PDE4DIP: variants seen among roughly 807,000 people sequenced by gnomAD.
PDE4DIP encodes myomegalin.
PDE4DIP carries 59 observed loss-of-function variants against 221.4 expected under a neutral mutation model. The observed-to-expected ratio is 0.27, with a 90% CI of 0.22 to 0.33. PDE4DIP has a LOEUF of 0.33. PDE4DIP is among the 10% of genes least tolerant of loss of function. The probability of loss-of-function intolerance (pLI) is 1.00; values close to 1 mark genes in which losing one functional copy is unlikely to be tolerated. For synonymous variants in PDE4DIP, 404 were observed against 815.9 expected (o/e 0.50, Z 8.60); for missense variants, 1,036 against 2,154.2 (o/e 0.48, Z 10.28).
chr1:149,010,413 T>A, intron 30 of PDE4DIP, 30 bp from the exon 34 acceptor site: 2 of 1,608,950 alleles, frequency 1.2e-6, no homozygotes, highest in Non-Finnish European at 1.7e-6. Flanking sequence ...TAGAACATCA[T>A]ACGTTTTCTT....
At chr1:149,032,812 C>A (rs587608565) in exon 44 of PDE4DIP, 4,278 of 205,918 alleles carry the variant, frequency 0.021, 79 homozygotes, top group Non-Finnish European at 0.029. Context: ...AGGCCCCAAG[C>A]CTAGTAAAGC....
At position 149,018,165 on chromosome 1, in the gene PDE4DIP, C is replaced by A. The variant is rs587635677; in HGVS notation, c.5650+286C>A. ...GTTGTGTGATTGATAAGTGGTGGAACCAGGTCTGTAAGGGTCCTCCCACCT... is the reference window on the plus strand; with the variant it reads ...GTTGTGTGATTGATAAGTGGTGGAAACAGGTCTGTAAGGGTCCTCCCACCT... On this transcript the variant is annotated intron_variant, in intron 34 of 43. Transcript: ENST00000369354. Among the ~76,000 whole-genome samples the A allele has an allele frequency of 3.9e-5, 6 of 151,936 alleles. No homozygotes were observed. In the East Asian group the frequency reaches 1.2e-3, roughly 30 times the overall value.
chr1:148,985,863 T>C (rs1481452147), intron 21 of PDE4DIP: 6 of 152,198 alleles, frequency 3.9e-5, no homozygotes, highest in Admixed American at 3.9e-4. Flanking sequence ...TTTAAGTACA[T>C]AAACCATATT....
chr1:148,912,127 G>A (rs771058819), intron 1 of PDE4DIP, among the ~76,000 whole-genome samples: 7 of 145,878 alleles, frequency 4.8e-5, no homozygotes, highest in Non-Finnish European at 1.1e-4. Flanking sequence ...GGGATGGAAA[G>A]GGAAGCAAAT....
rs2047369940 is a variant in PDE4DIP at position 148,929,492 on chromosome 1, AC to A, written c.218+221del. The A allele has an allele frequency of 5.6e-6, 3 of 540,110 alleles. No homozygotes were observed. The Admixed American group carries it at 1.1e-4, about 19-fold the overall frequency. 33.5% of individuals were successfully genotyped at this position (540,110 alleles called of 1,614,324 possible). A position where few individuals can be genotyped will look rare whatever the true frequency, so the allele number is the denominator to read the frequency against. ...TGTCATAAGTTGGTAAATCCACCAG[AC>A]CTAAGACTGCAAACTTCCTATCAGT... is the stretch of plus-strand genomic sequence containing the variant. On this transcript the variant is annotated intron_variant, in intron 2 of 43. Coordinates refer to ENST00000369354, the Ensembl canonical transcript of PDE4DIP.
intron 14 of PDE4DIP, among the ~76,000 whole-genome samples, chr1:148,971,087 G>A (rs2059122590): frequency 6.6e-6 from 1 of 152,096 alleles, no homozygotes; most frequent in Non-Finnish European, 1.5e-5. Flanking sequence ...AGTTAAAAAT[G>A]TTCTAGATCT....
intron 1 of PDE4DIP, among the ~76,000 whole-genome samples, chr1:148,893,159 C>A (rs1699401014): frequency 7.1e-6 from 1 of 140,424 alleles, no homozygotes; most frequent in Non-Finnish European, 1.5e-5. Context: ...ACTATGTTGC[C>A]CAGGCTGGTC....
At chr1:148,989,434 A>G in intron 21 of PDE4DIP, 4 of 572,022 alleles carry the variant, frequency 7.0e-6, no homozygotes, top group Non-Finnish European at 9.1e-6. Context: ...AAGATGGAGC[A>G]TTATCCAAGA....
intron 3 of PDE4DIP, among the ~76,000 whole-genome samples, chr1:148,877,122 G>A (rs1187674596): frequency 6.8e-6 from 1 of 148,096 alleles, no homozygotes; most frequent in Non-Finnish European, 1.5e-5. Context: ...TTCAAGTGTG[G>A]AATATATATA....
chr1:149,010,458 C>A lies in PDE4DIP; in HGVS notation c.4943C>A (p.Ser1648Ter), dbSNP rs782631077. 1 of 1,613,018 alleles carries A rather than the reference C, an allele frequency of 6.2e-7. No individual in the cohort carries two copies. Among genetic ancestry groups the A allele is most frequent in the East Asian group, 2.2e-5 (1 of 44,874 alleles). The stretch of plus-strand genomic sequence containing the variant: ...GATTTTATAGATTCCATCCATCATT[C>A]GAGTCATTCTGCTGTGTTGTCTTCT... The change falls in exon 31 of 44, where the codon TCG (serine) becomes TAG (stop). Residue 1648 changes from serine (S) to a stop codon, truncating the protein, a stop_gained. Transcript: ENST00000369354. LOFTEE classifies it high-confidence loss of function.
chr1:149,032,847 G>A (rs1055482), exon 44 of PDE4DIP: 326 of 207,698 alleles, frequency 1.6e-3, no homozygotes, highest in Non-Finnish European at 2.4e-3. Context: ...CACAGTGCTG[G>A]TAGAATGTGT....
intron 2 of PDE4DIP, chr1:148,930,146 A>T (rs2047557164): frequency 6.6e-6 from 1 of 151,742 alleles, no homozygotes; most frequent in African/African-American, 2.4e-5. Flanking sequence ...TTAAATGACA[A>T]GTATTACTAA....
chr1:148,953,188 A>C (rs1574157570), intron 5 of PDE4DIP: 3 of 1,614,072 alleles, frequency 1.9e-6, no homozygotes, highest in East Asian at 2.2e-5. Flanking sequence ...TCGCCTATTC[A>C]GGGTTTGAGT....
chr1:148,959,064 C>G (rs1574306732), intron 5 of PDE4DIP, among the ~76,000 whole-genome samples: 1 of 152,112 alleles, frequency 6.6e-6, no homozygotes, highest in East Asian at 1.9e-4. Context: ...ATTTAACCAC[C>G]CACTCTGTAT....
intron 1 of PDE4DIP, among the ~76,000 whole-genome samples, chr1:148,859,731 A>T (rs1553398777): frequency 7.2e-6 from 1 of 139,768 alleles, no homozygotes; most frequent in South Asian, 2.3e-4. Flanking sequence ...TAGGACAAGG[A>T]TATAAAATTT....
chr1:148,912,142 A>G (rs1553454910), intron 1 of PDE4DIP, among the ~76,000 whole-genome samples: 1 of 145,608 alleles, frequency 6.9e-6, no homozygotes, highest in Admixed American at 6.8e-5. Context: ...GCAAATAAAC[A>G]TGACAGTTAC....
intron 21 of PDE4DIP, among the ~76,000 whole-genome samples, chr1:148,991,267 G>T (rs587653477): frequency 1.6e-4 from 25 of 152,294 alleles, no homozygotes; most frequent in African/African-American, 5.5e-4. Context: ...CAGGCAAAGG[G>T]TGTCTGCATA....
At chr1:148,981,052 A>C (rs1239023397) in intron 20 of PDE4DIP, among the ~76,000 whole-genome samples, 5 of 152,220 alleles carry the variant, frequency 3.3e-5, no homozygotes, top group African/African-American at 1.2e-4. Flanking sequence ...ATCTAGCATA[A>C]GGGGCAAGCT....
At chr1:148,923,509 T>G (rs1181894448) in intron 1 of PDE4DIP, among the ~76,000 whole-genome samples, 3 of 146,160 alleles carry the variant, frequency 2.1e-5, no homozygotes, top group Admixed American at 6.8e-5. Flanking sequence ...AGTCTTACTC[T>G]GTCGCCCAGG....
Sources: gnomAD v4.1 joint callset for allele counts (sites outside exome capture counted in the v4.1 genomes callset) on GRCh38, gnomAD v4.1.1 for gene constraint, MANE v1.5 for transcripts, NCBI Gene and HGNC (gene_info 2026-07-23, HGNC 2026-07-21) for gene names.